The following MRPL35 variants were observed in gnomAD, a reference collection of about 807,000 sequenced individuals.
The protein encoded by MRPL35 is large ribosomal subunit protein bL35m.
In MRPL35, 18 loss-of-function variants were observed where a neutral mutation model predicts 21.6. The ratio of observed to expected loss-of-function variants is 0.83; its 90% CI spans 0.58 to 1.24. MRPL35 has a LOEUF of 1.24. MRPL35 is among the 50% of genes most tolerant of loss of function. MRPL35 has a pLI of 0.00. For synonymous variants in MRPL35, 87 were observed against 86.9 expected (o/e 1.00, Z -0.01); for missense variants, 223 against 223.2 (o/e 1.00, Z 0.01).
At chr2:86,201,401 T>A (rs1381861150) in intron 1 of MRPL35, among the ~76,000 whole-genome samples, 1 of 152,232 alleles carries the variant, frequency 6.6e-6, no homozygotes, top group Non-Finnish European at 1.5e-5. Context: ...TTTGTCTTAT[T>A]TATTTAGAGT....
chr2:86,207,268 G>A lies in MRPL35; in HGVS notation c.319G>A (p.Val107Met), dbSNP rs774402778. ...TGCAAGAAAAGGCAAGAGAAAGACC[G>A]TGAAAGCTGTCATCGATAGGTTTCT... is the stretch of plus-strand genomic sequence containing the variant. ...FSARKGKRKT[V>M]KAVIDRFLRL... The change falls in exon 3 of 4, where the codon GTG becomes ATG. Residue 107 changes from valine to methionine, a missense_variant. Val to Met is a conservative substitution (Grantham distance 21). Transcript: ENST00000337109. 6.6e-5 allele frequency: 106 copies of A among 1,613,898 alleles called. 1 individual carries two copies. Among genetic ancestry groups the A allele is most frequent in the Admixed American group, 2.0e-4 (12 of 59,998 alleles).
intron 3 of MRPL35, among the ~76,000 whole-genome samples, chr2:86,208,803 T>C (rs938455913): frequency 2.0e-4 from 30 of 152,088 alleles, no homozygotes; most frequent in African/African-American, 7.2e-4. Flanking sequence ...AAGTATACCC[T>C]GTATAGAATG....
Position 86,213,597 on chromosome 2 carries a change from G to A in MRPL35, c.*2929G>A, listed in dbSNP as rs1467037908. 3.2e-6 allele frequency: 5 copies of A among 1,549,788 alleles called. No individual in the cohort carries two copies. The highest frequency in any genetic ancestry group is 4.4e-6 in the Non-Finnish European group (5 of 1,146,550). The stretch of plus-strand genomic sequence containing the variant: ...AAGGGCTGCAGCAGGTTTAAGGGTG[G>A]CCCTTCACCACCCTGTTGTCACCTG... On this transcript the variant is annotated 3_prime_UTR_variant, in exon 4 of 4. Transcript: ENST00000337109.
chr2:86,210,779 A>G lies in MRPL35; in HGVS notation c.*111A>G, dbSNP rs2103917382. On this transcript the variant is annotated 3_prime_UTR_variant, in exon 4 of 4. Coordinates refer to ENST00000337109, the MANE Select transcript of MRPL35 (RefSeq NM_016622.4). ...TGTAAATTGTACCAATGAATACGTA[A>G]ACATACAGTGACAACATTAAACTTA... The G allele has an allele frequency of 2.1e-6, 3 of 1,403,760 alleles. No homozygotes were observed. The South Asian group carries it at 5.8e-5, about 27-fold the overall frequency. 87.0% of individuals were successfully genotyped at this position (1,403,760 alleles called of 1,614,324 possible).
At chr2:86,207,104 C>G (rs1673812879) in intron 2 of MRPL35, 79 bp from the exon 3 acceptor site, 2 of 1,379,462 alleles carry the variant, frequency 1.4e-6, no homozygotes, top group Non-Finnish European at 2.0e-6. Flanking sequence ...CAGCTTTACT[C>G]ATTTCTCAGT....
In MRPL35 at chr2:86,213,370, C is replaced by T; in HGVS notation, c.*2702C>T. The stretch of plus-strand genomic sequence containing the variant: ...TGGATTTCCAGCCTTTTTTTCCCAT[C>T]TGTTCCTGCTTTTAGTCCTCTGAAT... On this transcript the variant is annotated 3_prime_UTR_variant, in exon 4 of 4. Coordinates refer to ENST00000337109, the MANE Select transcript of MRPL35 (RefSeq NM_016622.4). 8.0e-7 allele frequency: 1 copy of T among 1,250,266 alleles called. No homozygotes were observed. Among genetic ancestry groups the T allele is most frequent in the Non-Finnish European group, 1.0e-6 (1 of 998,220 alleles). 77.4% of individuals were successfully genotyped at this position (1,250,266 alleles called of 1,614,324 possible).
At position 86,212,522 on chromosome 2, in the gene MRPL35, C is replaced by T; in HGVS notation, c.*1854C>T. On this transcript the variant is annotated 3_prime_UTR_variant, in exon 4 of 4. Transcript: ENST00000337109. Reference sequence around the variant, plus strand: ...TCTGGGTAGTGAGATGGAAATGGTGCCTGCAGAAGTTGGGGAGAAGGATAC... The same window carrying T: ...TCTGGGTAGTGAGATGGAAATGGTGTCTGCAGAAGTTGGGGAGAAGGATAC... 1.3e-6 allele frequency: 2 copies of T among 1,598,794 alleles called. No individual in the cohort carries two copies. The highest frequency in any genetic ancestry group is 1.7e-6 in the Non-Finnish European group (2 of 1,173,462).
At chr2:86,205,617 G>T (rs1303048245) in intron 1 of MRPL35, among the ~76,000 whole-genome samples, 2 of 152,204 alleles carry the variant, frequency 1.3e-5, no homozygotes, top group Non-Finnish European at 2.9e-5. Flanking sequence ...TACCTGAAAT[G>T]TGCTCCTCCT....
At position 86,207,651 on chromosome 2, in the gene MRPL35, A is replaced by C. The variant is rs116869828; in HGVS notation, c.378+324A>C. Among the ~76,000 whole-genome samples, 1,028 of 151,268 alleles carry C rather than the reference A, an allele frequency of 6.8e-3. 26 individuals carry two copies. The East Asian group carries it at 0.1, about 15-fold the overall frequency. ...TCCGTCTCAAAAAAGAAAAGAAAAA[A>C]GGAGTGTGAGCAGATTAAAATCAAA... On this transcript the variant is annotated intron_variant, in intron 3 of 3. Coordinates refer to ENST00000337109, the MANE Select transcript of MRPL35 (RefSeq NM_016622.4).
Position 86,206,302 on chromosome 2 carries a change from T to C in MRPL35, c.233+7T>C, listed in dbSNP as rs183706558. Reference sequence around the variant, plus strand: ...CCTCAGTGATCCTTAATAGGTAGAGTATATTTCTTTGTGGGGTTTTTTTTG... The same window carrying C: ...CCTCAGTGATCCTTAATAGGTAGAGCATATTTCTTTGTGGGGTTTTTTTTG... On this transcript the variant is annotated splice_region_variant and intron_variant, in intron 2 of 3. Transcript: ENST00000337109. 5.1e-4 allele frequency: 800 copies of C among 1,577,730 alleles called. 1 individual carries two copies. The African/African-American group carries it at 9.3e-3, about 18-fold the overall frequency.
chr2:86,203,204 C>T (rs945981875), intron 1 of MRPL35, among the ~76,000 whole-genome samples: 1 of 151,866 alleles, frequency 6.6e-6, no homozygotes, highest in Non-Finnish European at 1.5e-5. Context: ...TTCAGCCTCC[C>T]AAGTAGCTGG....
At chr2:86,203,452 A>G (rs1673732130) in intron 1 of MRPL35, among the ~76,000 whole-genome samples, 1 of 152,228 alleles carries the variant, frequency 6.6e-6, no homozygotes, top group South Asian at 2.1e-4. Flanking sequence ...TTCATGTACA[A>G]AATTATTTAA....
At position 86,212,593 on chromosome 2, in the gene MRPL35, A is replaced by G. The variant is rs1673928960; in HGVS notation, c.*1925A>G. The G allele has an allele frequency of 2.0e-6, 3 of 1,464,658 alleles. No individual in the cohort carries two copies. Among genetic ancestry groups the G allele is most frequent in the East Asian group, 2.5e-5 (1 of 40,690 alleles). The allele number at this position is 1,464,658 out of a possible 1,614,324, so 90.7% of individuals were successfully genotyped here. A position where few individuals can be genotyped will look rare whatever the true frequency, so the allele number is the denominator to read the frequency against. The stretch of plus-strand genomic sequence containing the variant: ...GTCTTTATTGCAAATATGGATGACA[A>G]GGGTCTCTGTTACAGGGGCCTCAGA... On this transcript the variant is annotated 3_prime_UTR_variant, in exon 4 of 4. Transcript: ENST00000337109.
Position 86,212,970 on chromosome 2 carries a change from G to A in MRPL35, c.*2302G>A. The stretch of plus-strand genomic sequence containing the variant: ...CTACAAAACTGGGTACATACATACT[G>A]TCTAACTGCTAATCCACATTTCCAG... On this transcript the variant is annotated 3_prime_UTR_variant, in exon 4 of 4. Coordinates refer to ENST00000337109, the MANE Select transcript of MRPL35 (RefSeq NM_016622.4). The A allele has an allele frequency of 1.4e-6, 1 of 694,522 alleles. No homozygotes were observed. Among genetic ancestry groups the A allele is most frequent in the Non-Finnish European group, 1.8e-6 (1 of 564,722 alleles). The allele number at this position is 694,522 out of a possible 1,614,324, so 43.0% of individuals were successfully genotyped here.
intron 1 of MRPL35, among the ~76,000 whole-genome samples, chr2:86,200,581 A>G (rs916485825): frequency 2.0e-5 from 3 of 152,142 alleles, no homozygotes; most frequent in Non-Finnish European, 4.4e-5. Context: ...CTTCACATGA[A>G]TTGGTTCATA....
At chr2:86,202,641 C>T (rs1242153447) in intron 1 of MRPL35, among the ~76,000 whole-genome samples, 2 of 152,142 alleles carry the variant, frequency 1.3e-5, no homozygotes, top group African/African-American at 4.8e-5. Flanking sequence ...TGTAAGGGCT[C>T]TCTCATCAGT....
At chr2:86,200,059 G>A (rs55724176) in intron 1 of MRPL35, among the ~76,000 whole-genome samples, 2 of 152,212 alleles carry the variant, frequency 1.3e-5, no homozygotes, top group Middle Eastern at 6.8e-3. Flanking sequence ...CTGGTATGAG[G>A]ACTTCTTGAC....
At chr2:86,200,267 A>G (rs774392156) in intron 1 of MRPL35, among the ~76,000 whole-genome samples, 10 of 152,200 alleles carry the variant, frequency 6.6e-5, no homozygotes, top group Non-Finnish European at 1.2e-4. Context: ...TTTTACCGTT[A>G]GAGAAAAGCT....
chr2:86,205,887 A>AGC (rs1335311244), intron 1 of MRPL35, among the ~76,000 whole-genome samples: 1 of 152,224 alleles, frequency 6.6e-6, no homozygotes, highest in Non-Finnish European at 1.5e-5. Context: ...ATGGTTGCAC[A>AGC]GCTCTCTAAA....
Sources: gnomAD v4.1 joint callset for allele counts (sites outside exome capture counted in the v4.1 genomes callset) on GRCh38, gnomAD v4.1.1 for gene constraint, MANE v1.5 for transcripts, NCBI Gene and HGNC (gene_info 2026-07-23, HGNC 2026-07-21) for gene names.